Variants in MSI2 observed in about 807,000 individuals in gnomAD.
The protein encoded by MSI2 is musashi RNA binding protein 2, also known as RNA-binding protein Musashi homolog 2.
In MSI2, 17 loss-of-function variants were observed where a neutral mutation model predicts 45.6. That is an observed-to-expected ratio of 0.37 (90% CI 0.26 to 0.56). The LOEUF (loss-of-function observed/expected upper bound fraction) is 0.56, where lower values mean the gene tolerates loss of function less well. Ranked by LOEUF, MSI2 falls within the 20% of genes least tolerant of loss-of-function variation. The probability of loss-of-function intolerance (pLI) is 0.77; values close to 1 mark genes in which losing one functional copy is unlikely to be tolerated. For synonymous variants in MSI2, 156 were observed against 158.2 expected (o/e 0.99, Z 0.11); for missense variants, 293 against 444.2 (o/e 0.66, Z 3.06).
intron 5 of MSI2, among the ~76,000 whole-genome samples, chr17:57,270,675 T>A (rs9916173): frequency 0.018 from 2,702 of 152,312 alleles, 60 homozygotes; most frequent in East Asian, 0.078. Context: ...GTAGAATTGC[T>A]AAGGGTAAGA....
intron 6 of MSI2, among the ~76,000 whole-genome samples, chr17:57,417,631 A>G (rs2084319813): frequency 6.6e-6 from 1 of 152,174 alleles, no homozygotes; most frequent in African/African-American, 2.4e-5. Context: ...TCAATGTGAA[A>G]GAACCTCAGC....
At chr17:57,351,883 CA>C (rs1418795107) in intron 5 of MSI2, among the ~76,000 whole-genome samples, 2 of 152,030 alleles carry the variant, frequency 1.3e-5, no homozygotes, top group Admixed American at 6.6e-5. Flanking sequence ...CAAACAGCCC[CA>C]AAAAACCACA....
At chr17:57,294,433 A>G (rs1040743770) in intron 5 of MSI2, among the ~76,000 whole-genome samples, 3 of 152,154 alleles carry the variant, frequency 2.0e-5, no homozygotes, top group Non-Finnish European at 4.4e-5. Flanking sequence ...CACGGGAGAA[A>G]AAGGAGTTGA....
Position 57,607,194 on chromosome 17 carries a change from G to A in MSI2, c.538-8776G>A, listed in dbSNP as rs145251931. 4.0e-4 allele frequency among the ~76,000 whole-genome samples: 61 copies of A among 152,320 alleles called. No homozygotes were observed. In the East Asian group the frequency reaches 0.011, roughly 26 times the overall value. Reference sequence around the variant, plus strand: ...TGTAATATATGAAAATTACAAGGATGTTGTGGCTGTGCCTAGTTATGGATA... The same window carrying A: ...TGTAATATATGAAAATTACAAGGATATTGTGGCTGTGCCTAGTTATGGATA... On this transcript the variant is annotated intron_variant, in intron 8 of 13. Transcript: ENST00000284073.
At chr17:57,464,833 G>A (rs2085301103) in intron 6 of MSI2, among the ~76,000 whole-genome samples, 1 of 152,182 alleles carries the variant, frequency 6.6e-6, no homozygotes, top group Non-Finnish European at 1.5e-5. Context: ...TTACCAAAAA[G>A]TCCTTGGTTC....
intron 5 of MSI2, among the ~76,000 whole-genome samples, chr17:57,328,333 G>GTATCCATCCATTCATCCATC (rs1567759785): frequency 3.5e-5 from 4 of 115,078 alleles, no homozygotes; most frequent in African/African-American, 2.0e-4. Flanking sequence ...ATCCATCCAT[G>GTATCCATCCATTCATCCATC]CATCCATCCA....
chr17:57,292,724 C>G (rs1381152156), intron 5 of MSI2, among the ~76,000 whole-genome samples: 2 of 152,132 alleles, frequency 1.3e-5, no homozygotes, highest in Non-Finnish European at 2.9e-5. Flanking sequence ...GCGAGCGAGT[C>G]ATTTCACAAA....
chr17:57,698,458 C>T, the MSI2 span, among the ~76,000 whole-genome samples: 2 of 152,342 alleles, frequency 1.3e-5, no homozygotes, highest in South Asian at 4.1e-4. Context: ...TTCACTTCTG[C>T]CTTTCCTCAG....
At chr17:57,487,860 T>A (rs1295670615) in intron 6 of MSI2, among the ~76,000 whole-genome samples, 2 of 151,206 alleles carry the variant, frequency 1.3e-5, no homozygotes, top group African/African-American at 2.4e-5. Flanking sequence ...CCCTACCCGG[T>A]CTATTGGGTT....
chr17:57,392,056 C>T (rs76385261), intron 5 of MSI2, among the ~76,000 whole-genome samples: 4,320 of 152,304 alleles, frequency 0.028, 99 homozygotes, highest in Non-Finnish European at 0.046. Flanking sequence ...TGCAGAGCAG[C>T]CTGGGTGCCT....
intron 8 of MSI2, among the ~76,000 whole-genome samples, 200 bp from the exon 9 acceptor site, chr17:57,615,770 G>A (rs1907629576): frequency 6.6e-6 from 1 of 152,116 alleles, no homozygotes; most frequent in Non-Finnish European, 1.5e-5. Flanking sequence ...CATCCTTGTA[G>A]GTTTTTCCGA....
Position 57,680,344 on chromosome 17 carries a change from ATGT to A in MSI2, c.*831_*833del, listed in dbSNP as rs1406425651. 2 of 226,442 alleles carry A rather than the reference ATGT, an allele frequency of 8.8e-6. No homozygotes were observed. Among genetic ancestry groups the A allele is most frequent in the Non-Finnish European group, 1.8e-5 (2 of 113,950 alleles). The allele number at this position is 226,442 out of a possible 1,614,324, so 14.0% of individuals were successfully genotyped here. ...TGAAATTGTGAATTCTAAAAAAGAA[ATGT>A]TGTAAATACAATTCCATTAACTACA... is the stretch of plus-strand genomic sequence containing the variant. On this transcript the variant is annotated 3_prime_UTR_variant, in exon 14 of 14. Transcript: ENST00000284073.
chr17:57,463,901 T>A (rs1265813836), intron 6 of MSI2, among the ~76,000 whole-genome samples: 1 of 152,164 alleles, frequency 6.6e-6, no homozygotes, highest in Admixed American at 6.5e-5. Context: ...CTGGAACACT[T>A]CAGACTGAAG....
intron 6 of MSI2, among the ~76,000 whole-genome samples, chr17:57,506,537 G>T (rs547968785): frequency 6.6e-6 from 1 of 152,068 alleles, no homozygotes; most frequent in East Asian, 1.9e-4. Context: ...ATGTTCCCTG[G>T]GAACGTTCGC....
intron 12 of MSI2, among the ~76,000 whole-genome samples, 180 bp from the exon 13 acceptor site, chr17:57,676,807 G>C (rs1486421278): frequency 6.6e-6 from 1 of 152,188 alleles, no homozygotes; most frequent in African/African-American, 2.4e-5. Context: ...AGGGAGTGGG[G>C]ACTAGGGATT....
At chr17:57,584,613 G>C (rs900552394) in intron 7 of MSI2, among the ~76,000 whole-genome samples, 4 of 152,178 alleles carry the variant, frequency 2.6e-5, no homozygotes, top group Non-Finnish European at 5.9e-5. Context: ...GTGGTTTCTT[G>C]ATGGAGTTTT....
intron 7 of MSI2, among the ~76,000 whole-genome samples, chr17:57,544,501 G>A (rs150878750): frequency 1.4e-4 from 21 of 152,310 alleles, no homozygotes; most frequent in African/African-American, 2.6e-4. Flanking sequence ...GTAGCCCAGC[G>A]AATCTTGCTG....
At chr17:57,286,924 T>C (rs891893707) in intron 5 of MSI2, among the ~76,000 whole-genome samples, 3 of 152,068 alleles carry the variant, frequency 2.0e-5, no homozygotes, top group Admixed American at 2.0e-4. Context: ...GATTGCCAAG[T>C]GCGGGTCCTG....
rs1156504194 is a variant in MSI2, at chr17:57,611,726, C to T, written c.538-4244C>T. ...CATGGAGAAGCCATGGTGGACGCCC[C>T]ATCAGCAGGCCCAGCCAAACCAGTG... On this transcript the variant is annotated intron_variant, in intron 8 of 13. Coordinates refer to ENST00000284073, the MANE Select transcript of MSI2 (RefSeq NM_138962.4). Among the ~76,000 whole-genome samples the T allele has an allele frequency of 8.4e-5, 8 of 95,678 alleles. 4 individuals carry two copies. The highest frequency in any genetic ancestry group is 2.0e-4 in the Non-Finnish European group (8 of 39,778). 62.8% of individuals were successfully genotyped at this position (95,678 alleles called of 152,430 possible).
Sources: gnomAD v4.1 joint callset for allele counts (sites outside exome capture counted in the v4.1 genomes callset) on GRCh38, gnomAD v4.1.1 for gene constraint, MANE v1.5 for transcripts, NCBI Gene and HGNC (gene_info 2026-07-23, HGNC 2026-07-21) for gene names.